The following MTA1 variants were observed in gnomAD, a reference collection of about 807,000 sequenced individuals.
The protein encoded by MTA1 is metastasis-associated protein MTA1.
MTA1 carries 15 observed loss-of-function variants against 97.0 expected under a neutral mutation model. The observed-to-expected ratio is 0.15, with a 90% CI of 0.10 to 0.24. The LOEUF (loss-of-function observed/expected upper bound fraction) is 0.24, where lower values mean the gene tolerates loss of function less well. MTA1 is among the 10% of genes least tolerant of loss of function. The pLI, the probability that MTA1 is intolerant of heterozygous loss-of-function variation, is 1.00. For synonymous variants in MTA1, 435 were observed against 417.5 expected, an observed-to-expected ratio of 1.04 and a Z score of -0.51; for missense variants, 709 against 1,015.1, an observed-to-expected ratio of 0.70 and a Z score of 4.10.
chr14:105,428,341 A>AGT (rs1229092190), intron 1 of MTA1, among the ~76,000 whole-genome samples: 4 of 151,960 alleles, frequency 2.6e-5, no homozygotes, highest in Non-Finnish European at 5.9e-5. Flanking sequence ...CCCAGGTTGG[A>AGT]GTGCAGTGGT....
chr14:105,467,080 G>A, intron 18 of MTA1: 1 of 473,428 alleles, frequency 2.1e-6, no homozygotes, highest in South Asian at 2.1e-5. Flanking sequence ...CGCCCGTGCT[G>A]TGCCTGCAAT....
At position 105,422,120 on chromosome 14, in the gene MTA1, C is replaced by T. The variant is rs28482150; in HGVS notation, c.28+2057C>T. Among the ~76,000 whole-genome samples, 6,129 of 152,230 alleles carry T rather than the reference C, an allele frequency of 0.04. 406 individuals are homozygous for T. The highest frequency in any genetic ancestry group is 0.14 in the African/African-American group (5,848 of 41,508). ...CCGGGTGTGCTCGGAGCTGTCAGGCCCCCCACGTGCCCGCCCCGAGGACTT... is the reference window on the plus strand; with the variant it reads ...CCGGGTGTGCTCGGAGCTGTCAGGCTCCCCACGTGCCCGCCCCGAGGACTT... On this transcript the variant is annotated intron_variant, in intron 1 of 20. Coordinates refer to ENST00000331320, the MANE Select transcript of MTA1 (RefSeq NM_004689.4). The surrounding 1 kb of genome is among the most constrained non-coding windows in gnomAD (Gnocchi z 4.3).
In MTA1 at chr14:105,463,599, G is replaced by A. The variant is rs200134161; in HGVS notation, c.1076+48G>A. On this transcript the variant is annotated intron_variant, in intron 12 of 20. Coordinates refer to ENST00000331320, the MANE Select transcript of MTA1 (RefSeq NM_004689.4). The surrounding 1 kb of genome is among the most constrained non-coding windows in gnomAD (Gnocchi z 5.9). ...CGTCCTCGTGGCCCCGGGGGCCAGG[G>A]AGGGTGGGCACAGGGTGCTGGGGCC... 43 of 1,578,486 alleles carry A rather than the reference G, an allele frequency of 2.7e-5. No homozygotes were observed. In the East Asian group the frequency reaches 8.5e-4, roughly 31 times the overall value.
intron 3 of MTA1, among the ~76,000 whole-genome samples, chr14:105,447,787 C>T (rs797026840): frequency 2.1e-4 from 32 of 152,300 alleles, no homozygotes; most frequent in African/African-American, 6.3e-4. Flanking sequence ...TCTTGCCTGG[C>T]GGCTGGGCCT....
chr14:105,446,170 G>A (rs1410093750), intron 3 of MTA1, among the ~76,000 whole-genome samples: 23 of 152,150 alleles, frequency 1.5e-4, no homozygotes, highest in African/African-American at 4.6e-4. Context: ...GCACCCCCAC[G>A]CCCTCCACAT....
intron 6 of MTA1, among the ~76,000 whole-genome samples, chr14:105,450,887 A>G (rs1200580700): frequency 6.6e-6 from 1 of 152,194 alleles, no homozygotes; most frequent in Non-Finnish European, 1.5e-5. Context: ...GGTGGCACTG[A>G]GGCTGCTGTG....
At chr14:105,436,848 A>G (rs1319732954) in intron 1 of MTA1, among the ~76,000 whole-genome samples, 1 of 152,260 alleles carries the variant, frequency 6.6e-6, no homozygotes, top group Non-Finnish European at 1.5e-5. Flanking sequence ...TCTACATGTG[A>G]TGAAACCCAC....
rs782326557 is a variant in MTA1 at position 105,464,575 on chromosome 14, G to A, written c.1344+8G>A. 3.1e-6 allele frequency: 5 copies of A among 1,612,562 alleles called. No individual in the cohort carries two copies. Among genetic ancestry groups the A allele is most frequent in the Admixed American group, 3.3e-5 (2 of 59,998 alleles). ...CCAAACCGCAGTAACATGGTAAGGG[G>A]GGGGACACCCGCCCTGCCTGCCATG... On this transcript the variant is annotated splice_region_variant and intron_variant, in intron 14 of 20. Transcript: ENST00000331320.
Position 105,466,426 on chromosome 14 carries a change from A to AGGGGGGGGGGGGGGGGGGGGGGGGGG in MTA1, c.1626_1627insGGGGGGGGGGGGGGGGGGGGGGGGGG (p.Thr543GlyfsTer20). On this transcript the variant is annotated frameshift_variant and splice_region_variant, in exon 17 of 21. Coordinates refer to ENST00000331320, the MANE Select transcript of MTA1 (RefSeq NM_004689.4). LOFTEE classifies it high-confidence loss of function. ...GTTCTGCCTGTGTCATTCCCGGCAG[A>AGGGGGGGGGGGGGGGGGGGGGGGGGG]GACCCACCCCCGCCCCCCCAAGCCT... 6.7e-7 allele frequency: 1 copy of AGGGGGGGGGGGGGGGGGGGGGGGGGG among 1,484,224 alleles called. No homozygotes were observed. 91.9% of individuals were successfully genotyped at this position (1,484,224 alleles called of 1,614,324 possible).
At chr14:105,430,211 A>G (rs1486227349) in intron 1 of MTA1, among the ~76,000 whole-genome samples, 1 of 152,186 alleles carries the variant, frequency 6.6e-6, no homozygotes, top group Non-Finnish European at 1.5e-5. Flanking sequence ...TTTTAAAGTG[A>G]GAGATGTGTG....
rs782679987 is a variant in MTA1, at chr14:105,464,775, C to G, written c.1446C>G (p.Ala482=). 5 of 1,608,526 alleles carry G rather than the reference C, an allele frequency of 3.1e-6. No homozygotes were observed. The highest frequency in any genetic ancestry group is 2.5e-6 in the Non-Finnish European group (3 of 1,176,794). ...ACACGACGAAGCTGACGCGGATCGC[C>G]CGGCGCCTGTGCCGTGAGATCCTGC... ...YLHTTKLTRI[A]RRLCREILRP... is the part of the protein sequence containing the mutation. Residue 482 remains alanine, a synonymous_variant, in exon 15 of 21, where the codon GCC becomes GCG. Transcript: ENST00000331320.
At chr14:105,447,332 G>A (rs2082751083) in intron 3 of MTA1, among the ~76,000 whole-genome samples, 1 of 152,218 alleles carries the variant, frequency 6.6e-6, no homozygotes, top group African/African-American at 2.4e-5. Flanking sequence ...TTTATGGCTG[G>A]CCCAGGGTGG....
At position 105,466,424 on chromosome 14, in the gene MTA1, A is replaced by T; in HGVS notation, c.1625-2A>T. On this transcript the variant is annotated splice_acceptor_variant, in intron 16 of 20. Coordinates refer to ENST00000331320, the MANE Select transcript of MTA1 (RefSeq NM_004689.4). LOFTEE classifies it high-confidence loss of function. ...TCGTTCTGCCTGTGTCATTCCCGGC[A>T]GAGACCCACCCCCGCCCCCCCAAGC... 4.5e-6 allele frequency: 7 copies of T among 1,550,248 alleles called. No individual in the cohort carries two copies. The highest frequency in any genetic ancestry group is 2.3e-5 in the East Asian group (1 of 42,694).
At chr14:105,451,947 T>C (rs2082959900) in intron 6 of MTA1, among the ~76,000 whole-genome samples, 1 of 152,050 alleles carries the variant, frequency 6.6e-6, no homozygotes, top group Non-Finnish European at 1.5e-5. Context: ...TGTGTCACCA[T>C]GTCCGGCTAA....
In MTA1 at chr14:105,429,130, C is replaced by A. The variant is rs35744105; in HGVS notation, c.28+9067C>A. On this transcript the variant is annotated intron_variant, in intron 1 of 20. Transcript: ENST00000331320. The stretch of plus-strand genomic sequence containing the variant: ...TCTGCAGCCTCCTCACCTCCCTCAG[C>A]CTTCGTAGAACTGAAGGGAGTTAGG... Among the ~76,000 whole-genome samples the A allele has an allele frequency of 6.5e-4, 99 of 152,292 alleles. 2 individuals are homozygous for A. The East Asian group carries it at 0.013, about 20-fold the overall frequency.
chr14:105,464,337 G>A, intron 13 of MTA1, 79 bp from the exon 14 acceptor site: 2 of 1,571,288 alleles, frequency 1.3e-6, no homozygotes, highest in South Asian at 1.2e-5. Context: ...GGGGCGGCCG[G>A]CGTGGGGGTG....
rs369652208 is a variant in MTA1 at position 105,458,375 on chromosome 14, G to A, written c.653+3G>A. 83 of 1,612,276 alleles carry A rather than the reference G, an allele frequency of 5.1e-5. No individual in the cohort carries two copies. In the African/African-American group the frequency reaches 1.0e-3, roughly 20 times the overall value. On this transcript the variant is annotated splice_donor_region_variant and intron_variant, in intron 8 of 20. Transcript: ENST00000331320. ...GACCAGTTCCTGGTGGTGGCCCGGT[G>A]AGTCCTGCTCCTGGGCAAGGCCAGC... is the stretch of plus-strand genomic sequence containing the variant.
chr14:105,456,515 G>A (rs782247160), intron 7 of MTA1, among the ~76,000 whole-genome samples: 2 of 152,238 alleles, frequency 1.3e-5, no homozygotes, highest in Non-Finnish European at 2.9e-5. Flanking sequence ...TTGGGCCGCT[G>A]GTGCAAGGAC....
At position 105,463,894 on chromosome 14, in the gene MTA1, G is replaced by C; in HGVS notation, c.1077-138G>C. Reference sequence around the variant, plus strand: ...TCCCAGGAACTGAAAGGGGAGAAAGGAAGATCCCTGCCGAGGCCGAGGGGT... The same window carrying C: ...TCCCAGGAACTGAAAGGGGAGAAAGCAAGATCCCTGCCGAGGCCGAGGGGT... On this transcript the variant is annotated intron_variant, in intron 12 of 20. Transcript: ENST00000331320. This position sits in a 1 kb window ranked among gnomAD's most constrained non-coding sequence, Gnocchi z 5.9. 1 of 813,736 alleles carries C rather than the reference G, an allele frequency of 1.2e-6. No homozygotes were observed. The highest frequency in any genetic ancestry group is 2.1e-6 in the Non-Finnish European group (1 of 482,528). 50.4% of individuals were successfully genotyped at this position (813,736 alleles called of 1,614,324 possible). A position where few individuals can be genotyped will look rare whatever the true frequency, so the allele number is the denominator to read the frequency against.
Sources: allele counts gnomAD v4.1 joint callset (sites outside exome capture counted in the v4.1 genomes callset), GRCh38; gene constraint gnomAD v4.1.1; non-coding constraint Gnocchi (gnomAD v3.1); transcripts MANE v1.5; gene names NCBI Gene and HGNC (gene_info 2026-07-23, HGNC 2026-07-21).